The following CR1 variants were observed in gnomAD, a reference collection of about 807,000 sequenced individuals.
CR1 encodes complement C3b/C4b receptor 1 (Knops blood group).
Under a neutral mutation model 187.3 loss-of-function variants are expected in CR1, and 116 were observed. That is an observed-to-expected ratio of 0.62 (90% CI 0.53 to 0.72). The LOEUF (loss-of-function observed/expected upper bound fraction) is 0.72, where lower values mean the gene tolerates loss of function less well. CR1 is among the 30% of genes least tolerant of loss of function. The pLI, the probability that CR1 is intolerant of heterozygous loss-of-function variation, is 0.00. For missense variants in CR1, 1,731 were observed against 2,110.7 expected, an observed-to-expected ratio of 0.82 and a Z score of 3.52; for synonymous variants, 576 against 747.1, an observed-to-expected ratio of 0.77 and a Z score of 3.73.
At chr1:207,502,376 A>G (rs191574179) in intron 1 of CR1, among the ~76,000 whole-genome samples, 13 of 152,308 alleles carry the variant, frequency 8.5e-5, no homozygotes, top group African/African-American at 2.9e-4. Context: ...TAAGAGGGTC[A>G]GGGAAGGCTT....
intron 4 of CR1, among the ~76,000 whole-genome samples, chr1:207,514,998 C>T (rs71515118): frequency 3.5e-4 from 49 of 140,968 alleles, no homozygotes; most frequent in South Asian, 2.7e-3. Flanking sequence ...TATATATACA[C>T]ACACACACAC....
chr1:207,633,754 T>C (rs955686138), intron 46 of CR1, among the ~76,000 whole-genome samples: 2 of 152,240 alleles, frequency 1.3e-5, no homozygotes, highest in African/African-American at 4.8e-5. Flanking sequence ...AAATTTTTCA[T>C]GCACGTCCCT....
Position 207,623,020 on chromosome 1 carries a change from T to G in CR1, c.7304T>G (p.Ile2435Ser), listed in dbSNP as rs761809357. The change falls in exon 45 of 47, where the codon ATT becomes AGT. Residue 2435 changes from isoleucine to serine, a missense_variant. Coordinates refer to ENST00000367049, the MANE Select transcript of CR1 (RefSeq NM_000651.6). ...ACTTTATCTGGTACGATCTTCTTTA[T>G]TTTACTCATCATTTTCCTCTCTTGG... The part of the protein sequence containing the change: ...VGTLSGTIFF[I>S]LLIIFLSWII... 1 of 1,580,102 alleles carries G rather than the reference T, an allele frequency of 6.3e-7. No homozygotes were observed. Among genetic ancestry groups the G allele is most frequent in the Non-Finnish European group, 8.6e-7 (1 of 1,160,168 alleles).
intron 42 of CR1, among the ~76,000 whole-genome samples, chr1:207,618,866 C>T (rs930407062): frequency 6.7e-6 from 1 of 150,320 alleles, no homozygotes; most frequent in Non-Finnish European, 1.5e-5. Context: ...CATGGTGAAA[C>T]CCCGTTTCTA....
At chr1:207,565,969 T>C in intron 24 of CR1, 46 bp downstream of exon 24, 1 of 1,607,470 alleles carries the variant, frequency 6.2e-7, no homozygotes, top group Non-Finnish European at 8.5e-7. Context: ...CCCCTTCATC[T>C]GTTCACTATT....
At chr1:207,510,428 G>A (rs144453763) in intron 3 of CR1, among the ~76,000 whole-genome samples, 1 of 152,254 alleles carries the variant, frequency 6.6e-6, no homozygotes, top group African/African-American at 2.4e-5. Flanking sequence ...ATAAAGCAAA[G>A]TTCTCAGCTA....
At chr1:207,568,302 A>G (rs1660571797) in intron 25 of CR1, among the ~76,000 whole-genome samples, 1 of 126,042 alleles carries the variant, frequency 7.9e-6, no homozygotes, top group Non-Finnish European at 1.6e-5. Context: ...TTAAAAACAG[A>G]TGCCTGTGAA....
chr1:207,526,239 G>A (rs891103914), intron 5 of CR1, among the ~76,000 whole-genome samples: 3 of 151,994 alleles, frequency 2.0e-5, no homozygotes, highest in Non-Finnish European at 2.9e-5. Flanking sequence ...TCAGGTGGCC[G>A]CTGAGAGAAG....
chr1:207,576,140 C>A (rs1660737460), intron 28 of CR1, among the ~76,000 whole-genome samples: 1 of 152,196 alleles, frequency 6.6e-6, no homozygotes, highest in South Asian at 2.1e-4. Context: ...GGAAGATGAG[C>A]TTTCTACATT....
chr1:207,605,897 T>C (rs1410126911), intron 35 of CR1: 1 of 152,232 alleles, frequency 6.6e-6, no homozygotes, highest in African/African-American at 2.4e-5. Flanking sequence ...TACAAAAACA[T>C]TGACGGTCAT....
In CR1 at chr1:207,634,732, C is replaced by A. The variant is rs56168670; in HGVS notation, c.7457+4111C>A. Among the ~76,000 whole-genome samples, 100 of 152,282 alleles carry A rather than the reference C, an allele frequency of 6.6e-4. 1 individual carries two copies. The highest frequency in any genetic ancestry group is 2.1e-3 in the East Asian group (11 of 5,186). On this transcript the variant is annotated intron_variant, in intron 46 of 46. Transcript: ENST00000367049. ...TGGGGAAGCACGTGGATACCTTGTACTAAATCCACTACTGCAGCTCATTCT... is the reference window on the plus strand; with the variant it reads ...TGGGGAAGCACGTGGATACCTTGTAATAAATCCACTACTGCAGCTCATTCT...
intron 35 of CR1, among the ~76,000 whole-genome samples, chr1:207,589,381 AG>A (rs1661202177): frequency 1.3e-5 from 2 of 152,234 alleles, no homozygotes; most frequent in Non-Finnish European, 2.9e-5. Flanking sequence ...GACTGTTAGA[AG>A]ATAAACTAAC....
Position 207,584,652 on chromosome 1 carries a change from T to G in CR1, c.5306T>G (p.Ile1769Ser). 6.2e-7 allele frequency: 1 copy of G among 1,613,142 alleles called. No homozygotes were observed. The change falls in exon 33 of 47, where the codon ATC becomes AGC. Residue 1769 changes from isoleucine to serine, a missense_variant. Transcript: ENST00000367049. ...WNNSVPVCEH[I>S]FCPNPPAILN... ...AGAGCTCTTGTTTTCTTTCTAGATA[T>G]CTTTTGTCCAAATCCTCCAGCTATC...
chr1:207,594,604 TA>T (rs1240052092), intron 35 of CR1, among the ~76,000 whole-genome samples: 1 of 151,756 alleles, frequency 6.6e-6, no homozygotes, highest in African/African-American at 2.4e-5. Flanking sequence ...AGTATGATAA[TA>T]AAAAAAAGAC....
chr1:207,513,747 C>CCTCT (rs1659695753), intron 4 of CR1, among the ~76,000 whole-genome samples: 1 of 106,578 alleles, frequency 9.4e-6, no homozygotes, highest in Non-Finnish European at 1.9e-5. Flanking sequence ...TCCCTCCCTC[C>CCTCT]CTCCCTCCCT....
At chr1:207,630,705 C>A in intron 46 of CR1, 84 bp downstream of exon 46, 1 of 849,400 alleles carries the variant, frequency 1.2e-6, no homozygotes, top group Non-Finnish European at 1.7e-6. Flanking sequence ...TGATATTGCA[C>A]TAGGTAGGTC....
At position 207,564,233 on chromosome 1, in the gene CR1, G is replaced by A. The variant is rs1558234194; in HGVS notation, c.3865G>A (p.Gly1289Arg). 1 of 1,537,502 alleles carries A rather than the reference G, an allele frequency of 6.5e-7. No individual in the cohort carries two copies. The highest frequency in any genetic ancestry group is 1.2e-5 in the South Asian group (1 of 81,516). ...GAKVDFVCDE[G>R]FQLKGSSASY... ...AAAAGTGGATTTTGTTTGTGATGAA[G>A]GGTGAGTATGAGCTTGCCTGACCTG... Residue 1289 changes from glycine (G) to arginine (R), a missense_variant and splice_region_variant, in exon 23 of 47, where the codon GGA becomes AGA. Gly to Arg is a moderately radical substitution (Grantham distance 125, BLOSUM62 -2). This residue lies in a region of CR1 where 1,312 missense variants were observed against 1,379.6 expected (regional missense o/e 0.95). Coordinates refer to ENST00000367049, the MANE Select transcript of CR1 (RefSeq NM_000651.6).
chr1:207,587,295 T>G, intron 33 of CR1, 91 bp from the exon 34 acceptor site: 5 of 1,111,598 alleles, frequency 4.5e-6, no homozygotes, highest in Non-Finnish European at 6.4e-6. Flanking sequence ...TTTGTTTCTG[T>G]GATCCACCTA....
chr1:207,582,854 AT>A (rs1157090646), intron 32 of CR1, among the ~76,000 whole-genome samples: 1 of 152,234 alleles, frequency 6.6e-6, no homozygotes, highest in Admixed American at 6.5e-5. Flanking sequence ...CCAGGGTAGA[AT>A]TTCCCTTAGC....
Sources: gnomAD v4.1 joint callset for allele counts (sites outside exome capture counted in the v4.1 genomes callset) on GRCh38, gnomAD v4.1.1 for gene constraint, gnomAD v4.1.1 regional missense constraint, MANE v1.5 for transcripts, NCBI Gene and HGNC (gene_info 2026-07-23, HGNC 2026-07-21) for gene names.